Variants in REV1 observed in about 807,000 individuals in gnomAD.
REV1 encodes the protein translesion synthesis protein REV1.
A neutral mutation model predicts 137.4 loss-of-function variants in REV1; 42 were observed. The observed-to-expected ratio is 0.31, with a 90% CI of 0.24 to 0.40. REV1 has a LOEUF of 0.40. REV1 is among the 10% of genes least tolerant of loss of function. The pLI is 1.00. For synonymous variants in REV1, 524 were observed against 519.2 expected, an observed-to-expected ratio of 1.01 and a Z score of -0.12; for missense variants, 1,282 against 1,490.1, an observed-to-expected ratio of 0.86 and a Z score of 2.30.
rs2104627069 is a variant in REV1, at chr2:99,424,138, T to C, written c.1676+14A>G. ...GAAAACACAGACACAAAATGACAGT[T>C]TGATACACTGTACCTTGCCAATGTT... On this transcript the variant is annotated intron_variant, in intron 10 of 22. Coordinates refer to ENST00000258428, the MANE Select transcript of REV1 (RefSeq NM_016316.4). The C allele has an allele frequency of 6.2e-7, 1 of 1,611,644 alleles. No individual in the cohort carries two copies. Among genetic ancestry groups the C allele is most frequent in the Non-Finnish European group, 8.5e-7 (1 of 1,178,982 alleles).
intron 1 of REV1, among the ~76,000 whole-genome samples, chr2:99,483,546 G>A (rs1222499325): frequency 6.6e-6 from 1 of 152,124 alleles, no homozygotes. Flanking sequence ...GTCTTTAAAA[G>A]GTTTCTCAAA....
chr2:99,421,468 CTT>C (rs760802389), intron 11 of REV1, 29 bp downstream of exon 11: 1 of 1,578,820 alleles, frequency 6.3e-7, no homozygotes, highest in South Asian at 1.2e-5. Flanking sequence ...CAAAGCAACT[CTT>C]TTGAGTACAA....
At chr2:99,454,549 TCAAAAAAAAAAAAAAA>T in intron 3 of REV1, among the ~76,000 whole-genome samples, 1 of 17,000 alleles carries the variant, frequency 5.9e-5, no homozygotes, top group African/African-American at 2.7e-4. Context: ...AAACTCCAGC[TCAAAAAAAAAAAAAAA>T]AAAAAAAAAA....
intron 4 of REV1, among the ~76,000 whole-genome samples, chr2:99,443,836 C>G (rs931415436): frequency 4.7e-5 from 7 of 150,212 alleles, no homozygotes; most frequent in African/African-American, 1.7e-4. Flanking sequence ...TTCCTCAAAC[C>G]AACTTTTCTT....
At position 99,442,360 on chromosome 2, in the gene REV1, G is replaced by C. The variant is rs779318152; in HGVS notation, c.460C>G (p.Leu154Val). Reference sequence around the variant, plus strand: ...TTGGCTATATTGCTTGGACCTGGCAGAGGATCCTCAGGTCTGCATACAGGA... The same window carrying C: ...TTGGCTATATTGCTTGGACCTGGCACAGGATCCTCAGGTCTGCATACAGGA... ...FNPVCRPEDP[L>V]PGPSNIAKQL... The change falls in exon 5 of 23, where the codon CTG (leucine) becomes GTG (valine). Residue 154 changes from leucine to valine, a missense_variant. Physicochemically the swap from Leu to Val is conservative, Grantham distance 32 (BLOSUM62 1). Transcript: ENST00000258428. 1.2e-6 allele frequency: 2 copies of C among 1,612,590 alleles called. No individual in the cohort carries two copies. The highest frequency in any genetic ancestry group is 4.5e-5 in the East Asian group (2 of 44,830).
chr2:99,442,420 T>C lies in REV1; in HGVS notation c.400A>G (p.Lys134Glu). Residue 134 changes from lysine to glutamate, a missense_variant, in exon 5 of 23, where the codon AAG becomes GAG. Around this residue, in one of 7 missense-constraint regions of REV1, gnomAD observed 107 missense variants for 164.3 expected, o/e 0.65. Transcript: ENST00000258428. The part of the protein sequence containing the change: ...LSYIPYQLYT[K>E]QSSVQKGLSF... The stretch of plus-strand genomic sequence containing the variant: ...AGACCTTTCTGCACACTGGACTGCT[T>C]GGTGTACAGCTGATATGGAATGTAG... The C allele has an allele frequency of 6.2e-7, 1 of 1,614,000 alleles. No individual in the cohort carries two copies. Among genetic ancestry groups the C allele is most frequent in the Non-Finnish European group, 8.5e-7 (1 of 1,179,912 alleles).
intron 10 of REV1, 54 bp downstream of exon 10, chr2:99,424,098 A>G: frequency 6.4e-7 from 1 of 1,562,312 alleles, no homozygotes; most frequent in Non-Finnish European, 8.7e-7. Flanking sequence ...TGTCTTTACT[A>G]TTAGCTAAAA....
Position 99,449,357 on chromosome 2 carries a change from C to A in REV1, c.329G>T (p.Arg110Leu). 6.5e-7 allele frequency: 1 copy of A among 1,548,870 alleles called. No individual in the cohort carries two copies. Among genetic ancestry groups the A allele is most frequent in the South Asian group, 1.3e-5 (1 of 77,008 alleles). ...TTACCTTTCCACAATCCATTCTGGT[C>A]GAATTACTTTTTCCCCCTTTAATTC... Reference protein sequence around the residue: ...IKELKGEKVIRPEWIVESIKA... With the variant: ...IKELKGEKVILPEWIVESIKA... Residue 110 changes from arginine (R) to leucine (L), a missense_variant, in exon 4 of 23, where the codon CGA (arginine) becomes CTA (leucine). By Grantham distance (102) the Arg-to-Leu change is moderately radical. Around this residue, in one of 7 missense-constraint regions of REV1, gnomAD observed 107 missense variants for 164.3 expected, o/e 0.65. Transcript: ENST00000258428.
intron 5 of REV1, among the ~76,000 whole-genome samples, chr2:99,440,153 C>G (rs925753602): frequency 2.6e-5 from 4 of 152,206 alleles, no homozygotes; most frequent in Middle Eastern, 3.4e-3. Flanking sequence ...AAATGCAGAA[C>G]CCATGACAAA....
chr2:99,426,955 C>T (rs1183536382), intron 9 of REV1, among the ~76,000 whole-genome samples: 1 of 152,096 alleles, frequency 6.6e-6, no homozygotes, highest in African/African-American at 2.4e-5. Flanking sequence ...GAGGCCAAGG[C>T]GAGCGGGTCA....
chr2:99,476,674 G>A (rs867949343), intron 1 of REV1, among the ~76,000 whole-genome samples: 1 of 152,188 alleles, frequency 6.6e-6, no homozygotes, highest in South Asian at 2.1e-4. Flanking sequence ...TTTGAGCCAT[G>A]TATTATCAAC....
intron 1 of REV1, among the ~76,000 whole-genome samples, chr2:99,479,275 C>T (rs559308233): frequency 7.0e-6 from 1 of 143,500 alleles, no homozygotes; most frequent in African/African-American, 2.7e-5. Flanking sequence ...TGCAGTCAGC[C>T]GAGATTAGGC....
intron 3 of REV1, among the ~76,000 whole-genome samples, chr2:99,461,083 T>C (rs1684137331): frequency 6.6e-6 from 1 of 152,190 alleles, no homozygotes; most frequent in Non-Finnish European, 1.5e-5. Flanking sequence ...GAGCTTGAAT[T>C]TGTCAGGATA....
At chr2:99,415,188 GT>G (rs1559303827) in intron 12 of REV1, among the ~76,000 whole-genome samples, 6 of 152,114 alleles carry the variant, frequency 3.9e-5, no homozygotes. Context: ...AACTAAATAC[GT>G]CAATTAAGTA....
At chr2:99,475,096 T>C (rs935667107) in intron 1 of REV1, among the ~76,000 whole-genome samples, 1 of 152,166 alleles carries the variant, frequency 6.6e-6, no homozygotes, top group African/African-American at 2.4e-5. Context: ...TTAATTTATT[T>C]AGTAAGGCCA....
intron 9 of REV1, among the ~76,000 whole-genome samples, chr2:99,425,098 A>T (rs1679168728): frequency 6.6e-6 from 1 of 152,210 alleles, no homozygotes; most frequent in South Asian, 2.1e-4. Flanking sequence ...TCACCAAATT[A>T]CATATTATAT....
chr2:99,453,941 A>C (rs966769467), intron 3 of REV1, among the ~76,000 whole-genome samples: 10 of 151,066 alleles, frequency 6.6e-5, no homozygotes, highest in African/African-American at 2.4e-4. Flanking sequence ...AACTAGATTC[A>C]GGGAAATTCT....
In REV1 at chr2:99,410,723, C is replaced by A; in HGVS notation, c.2317G>T (p.Gly773Cys). ...GAPVETAKFG[G>C]HGICDNIART... ...GCAATGTTATCACAAATTCCATGGC[C>A]TCCAAATTTTGCAGTTTCTACAGGA... The change falls in exon 14 of 23, where the codon GGC becomes TGC. Residue 773 changes from glycine to cysteine, a missense_variant. Gly to Cys is a radical substitution (Grantham distance 159, BLOSUM62 -3). Coordinates refer to ENST00000258428, the MANE Select transcript of REV1 (RefSeq NM_016316.4). 6.3e-7 allele frequency: 1 copy of A among 1,594,694 alleles called. No individual in the cohort carries two copies.
At chr2:99,465,034 T>C in intron 1 of REV1, 49 bp from the exon 2 acceptor site, 1 of 1,373,026 alleles carries the variant, frequency 7.3e-7, no homozygotes, top group Non-Finnish European at 1.0e-6. Flanking sequence ...CATAATGTAT[T>C]TCTAAATGAT....
Sources: gnomAD v4.1 joint callset for allele counts (sites outside exome capture counted in the v4.1 genomes callset) on GRCh38, gnomAD v4.1.1 for gene constraint, gnomAD v4.1.1 regional missense constraint, MANE v1.5 for transcripts, NCBI Gene and HGNC (gene_info 2026-07-23, HGNC 2026-07-21) for gene names.